ARL13B: variants seen among roughly 807,000 people sequenced by gnomAD.
The protein encoded by ARL13B is ARF like GTPase 13B, also known as ADP-ribosylation factor-like protein 13B.
In ARL13B, 36 loss-of-function variants were observed where a neutral mutation model predicts 56.1. That is an observed-to-expected ratio of 0.64 (90% CI 0.49 to 0.85). The LOEUF (loss-of-function observed/expected upper bound fraction) is 0.85. ARL13B is among the 40% of genes least tolerant of loss of function. The pLI, the probability that ARL13B is intolerant of heterozygous loss-of-function variation, is 0.00. For missense variants in ARL13B, 519 were observed against 507.1 expected, an observed-to-expected ratio of 1.02 and a Z score of -0.23; for synonymous variants, 178 against 171.1, an observed-to-expected ratio of 1.04 and a Z score of -0.32.
chr3:94,035,327 T>C lies in ARL13B; in HGVS notation c.381-4T>C. 1 of 1,587,398 alleles carries C rather than the reference T, an allele frequency of 6.3e-7. No homozygotes were observed. Among genetic ancestry groups the C allele is most frequent in the Non-Finnish European group, 8.6e-7 (1 of 1,157,706 alleles). ...TGTATAAAAGTACTTTAATTATCTT[T>C]CAGGTTGGCAAATAAACAAGATAAA... On this transcript the variant is annotated splice_polypyrimidine_tract_variant and splice_region_variant and intron_variant, in intron 3 of 9. Transcript: ENST00000394222.
intron 3 of ARL13B, chr3:94,015,270 C>T: frequency 6.5e-7 from 1 of 1,528,050 alleles, no homozygotes. Context: ...GGTCTTTCAT[C>T]TTCCCTTTCC....
At chr3:94,029,317 T>C (rs915375667) in intron 3 of ARL13B, among the ~76,000 whole-genome samples, 4 of 99,370 alleles carry the variant, frequency 4.0e-5, no homozygotes, top group African/African-American at 9.8e-5. Flanking sequence ...TATATATATA[T>C]ATATATATAT....
chr3:94,006,301 T>C (rs997121769), intron 3 of ARL13B, among the ~76,000 whole-genome samples: 106 of 152,214 alleles, frequency 7.0e-4, no homozygotes, highest in Admixed American at 3.8e-3. Flanking sequence ...GTTTCAAAAA[T>C]AAATAAATAA....
chr3:94,023,004 G>T (rs2076481834), intron 3 of ARL13B, among the ~76,000 whole-genome samples: 1 of 151,370 alleles, frequency 6.6e-6, no homozygotes, highest in Non-Finnish European at 1.5e-5. Context: ...CTCCTTTCCT[G>T]GAAACTCTAA....
chr3:94,044,081 G>A lies in ARL13B; in HGVS notation c.1024+841G>A, dbSNP rs569819489. On this transcript the variant is annotated intron_variant, in intron 7 of 9. Transcript: ENST00000394222. Reference sequence around the variant, plus strand: ...ACAGCCTCTGCCTGCCCGCCACCCCGTCTAGGAAGTGAGCAGCGTCTCTGC... The same window carrying A: ...ACAGCCTCTGCCTGCCCGCCACCCCATCTAGGAAGTGAGCAGCGTCTCTGC... Among the ~76,000 whole-genome samples the A allele has an allele frequency of 3.2e-4, 48 of 152,110 alleles. No homozygotes were observed. In the East Asian group the frequency reaches 8.4e-3, roughly 27 times the overall value.
rs996568969 is a variant in ARL13B at position 94,054,453 on chromosome 3, T to C, written c.*1190T>C. The C allele has an allele frequency of 1.4e-5, 5 of 357,796 alleles. No individual in the cohort carries two copies. The highest frequency in any genetic ancestry group is 2.7e-5 in the Non-Finnish European group (5 of 184,606). The allele number at this position is 357,796 out of a possible 1,614,324, so 22.2% of individuals were successfully genotyped here. ...ACTTCTAGATGTATATTTTTAATAA[T>C]AGATTCATAATGTTACATTTAATTG... On this transcript the variant is annotated 3_prime_UTR_variant, in exon 10 of 10. Coordinates refer to ENST00000394222, the MANE Select transcript of ARL13B (RefSeq NM_001174150.2).
intron 5 of ARL13B, among the ~76,000 whole-genome samples, chr3:94,038,990 C>T (rs1451031682): frequency 2.6e-5 from 4 of 152,098 alleles, no homozygotes; most frequent in Non-Finnish European, 5.9e-5. Context: ...AAGTTATTAT[C>T]TAGTTCAAAT....
intron 2 of ARL13B, chr3:93,996,603 C>G (rs780911769): frequency 2.3e-6 from 1 of 441,092 alleles, no homozygotes; most frequent in East Asian, 7.0e-5. Context: ...GTCTGGAATG[C>G]CTAGCCTCAA....
At chr3:94,049,122 T>C (rs2077027222) in intron 7 of ARL13B, among the ~76,000 whole-genome samples, 1 of 152,194 alleles carries the variant, frequency 6.6e-6, no homozygotes, top group African/African-American at 2.4e-5. Flanking sequence ...TTGTGTCATA[T>C]GACATTTTTT....
At chr3:93,997,380 T>C (rs946323679) in intron 2 of ARL13B, among the ~76,000 whole-genome samples, 7 of 152,132 alleles carry the variant, frequency 4.6e-5, no homozygotes, top group Non-Finnish European at 1.0e-4. Flanking sequence ...GCTTACTAAA[T>C]AGTGGAAGGG....
In ARL13B at chr3:94,055,065, A is replaced by G. The variant is rs1246550627; in HGVS notation, c.*1802A>G. 2.0e-5 allele frequency: 7 copies of G among 358,442 alleles called. No individual in the cohort carries two copies. The highest frequency in any genetic ancestry group is 1.4e-4 in the South Asian group (6 of 43,694). The allele number at this position is 358,442 out of a possible 1,614,324, so 22.2% of individuals were successfully genotyped here. ...TACTGGCTTCATTTAATAAAAATAA[A>G]TGATTTTGAAATTAAATATAATATA... On this transcript the variant is annotated 3_prime_UTR_variant, in exon 10 of 10. Transcript: ENST00000394222.
chr3:94,046,184 T>C (rs1010015746), intron 7 of ARL13B, among the ~76,000 whole-genome samples: 3 of 151,912 alleles, frequency 2.0e-5, no homozygotes, highest in Non-Finnish European at 4.4e-5. Context: ...GATATATGTA[T>C]ACATATGTAA....
At chr3:93,992,321 T>C (rs1053434670) in intron 1 of ARL13B, among the ~76,000 whole-genome samples, 1 of 152,190 alleles carries the variant, frequency 6.6e-6, no homozygotes, top group Non-Finnish European at 1.5e-5. Flanking sequence ...GTGAAAAGTT[T>C]TCGTGATGTT....
intron 1 of ARL13B, among the ~76,000 whole-genome samples, chr3:93,981,861 G>A (rs943936745): frequency 3.2e-5 from 3 of 92,818 alleles, no homozygotes; most frequent in African/African-American, 8.2e-5. Context: ...GTGCAACCCT[G>A]TCTCAAAAAA....
chr3:94,023,832 A>AC (rs2107023024), intron 3 of ARL13B, among the ~76,000 whole-genome samples: 1 of 152,272 alleles, frequency 6.6e-6, no homozygotes, highest in South Asian at 2.1e-4. Context: ...TAAAAGAAAA[A>AC]ATTTAGCAGG....
intron 3 of ARL13B, among the ~76,000 whole-genome samples, chr3:94,029,350 T>TTTTA (rs2076630967): frequency 1.0e-5 from 1 of 99,340 alleles, no homozygotes; most frequent in Admixed American, 9.7e-5. Flanking sequence ...TTTTTTTTTA[T>TTTTA]TTTTTTTTTT....
intron 8 of ARL13B, among the ~76,000 whole-genome samples, chr3:94,049,764 C>T (rs1471740529): frequency 6.6e-6 from 1 of 151,174 alleles, no homozygotes; most frequent in African/African-American, 2.4e-5. Context: ...AAAATTTTAC[C>T]CAGTATTTCC....
chr3:94,045,555 T>C (rs1224037345), intron 7 of ARL13B, among the ~76,000 whole-genome samples: 1 of 151,894 alleles, frequency 6.6e-6, no homozygotes, highest in Non-Finnish European at 1.5e-5. Flanking sequence ...TGAGTCTTTG[T>C]AGATATAGGC....
At chr3:94,032,654 G>A (rs530511280) in intron 3 of ARL13B, among the ~76,000 whole-genome samples, 1 of 152,134 alleles carries the variant, frequency 6.6e-6, no homozygotes, top group Admixed American at 6.5e-5. Context: ...CTGCCACCAC[G>A]CCCGGCTAGT....
Sources: gnomAD v4.1 joint callset for allele counts (sites outside exome capture counted in the v4.1 genomes callset) on GRCh38, gnomAD v4.1.1 for gene constraint, MANE v1.5 for transcripts, NCBI Gene and HGNC (gene_info 2026-07-23, HGNC 2026-07-21) for gene names.